The following NYNRIN variants were observed in gnomAD, a reference collection of about 807,000 sequenced individuals.
NYNRIN encodes the protein protein NYNRIN.
A neutral mutation model predicts 146.6 loss-of-function variants in NYNRIN; 86 were observed. That is an observed-to-expected ratio of 0.59 (90% CI 0.49 to 0.70). The LOEUF (loss-of-function observed/expected upper bound fraction) is 0.70. NYNRIN is among the 30% of genes least tolerant of loss of function. NYNRIN has a pLI of 0.00. For synonymous variants in NYNRIN, 1,027 were observed against 1,001.3 expected, an observed-to-expected ratio of 1.03 and a Z score of -0.48; for missense variants, 2,191 against 2,377.7, an observed-to-expected ratio of 0.92 and a Z score of 1.63.
At chr14:24,402,916 C>T (rs1156554974) in intron 2 of NYNRIN, among the ~76,000 whole-genome samples, 1 of 152,230 alleles carries the variant, frequency 6.6e-6, no homozygotes, top group Non-Finnish European at 1.5e-5. Flanking sequence ...CCTTCAGTAA[C>T]CATCCCCACT....
intron 2 of NYNRIN, 139 bp from the exon 3 acceptor site, chr14:24,407,730 A>G: frequency 1.4e-6 from 1 of 734,922 alleles, no homozygotes; most frequent in African/African-American, 1.8e-5. Context: ...TGGGGGAGTC[A>G]TTTGGCTCAT....
intron 2 of NYNRIN, among the ~76,000 whole-genome samples, chr14:24,402,296 C>T (rs930792578): frequency 3.3e-5 from 5 of 152,144 alleles, no homozygotes; most frequent in South Asian, 2.1e-4. Flanking sequence ...AGTGGAGAGG[C>T]GGGTTTTAGT....
rs2042949631 is a variant in NYNRIN at position 24,416,649 on chromosome 14, C to T, written c.4900C>T (p.His1634Tyr). 2 of 1,613,836 alleles carry T rather than the reference C, an allele frequency of 1.2e-6. No homozygotes were observed. The highest frequency in any genetic ancestry group is 1.7e-6 in the Non-Finnish European group (2 of 1,179,896). ...CACCATAAGTGAGGAGGGCCATAAG[C>T]ATGTACTTATTGTGGCTGACCCAAA... ...PVTISEEGHKHVLIVADPNTR... is the reference protein window; with the variant it reads ...PVTISEEGHKYVLIVADPNTR... Residue 1634 changes from histidine to tyrosine, a missense_variant, in exon 9 of 9, where the codon CAT becomes TAT. Around this residue, in one of 3 missense-constraint regions of NYNRIN, gnomAD observed 1,291 missense variants for 1,417.0 expected, o/e 0.91. Coordinates refer to ENST00000382554, the MANE Select transcript of NYNRIN (RefSeq NM_025081.3).
rs2042914835 is a variant in NYNRIN at position 24,411,834 on chromosome 14, G to C, written c.2642+384G>C. 1.3e-5 allele frequency among the ~76,000 whole-genome samples: 2 copies of C among 152,206 alleles called. No homozygotes were observed. Among genetic ancestry groups the C allele is most frequent in the Admixed American group, 1.3e-4 (2 of 15,288 alleles). ...TTTCCTCCCTCGGAGCCCCGGCACT[G>C]GTGGAGGTCTGTGCATGGCTGATGT... On this transcript the variant is annotated intron_variant, in intron 6 of 8. Transcript: ENST00000382554. The surrounding 1 kb of genome is among the most constrained non-coding windows in gnomAD (Gnocchi z 4.3).
rs952646306 is a variant in NYNRIN at position 24,408,437 on chromosome 14, A to G, written c.767A>G (p.Glu256Gly). The change falls in exon 3 of 9, where the codon GAA becomes GGA. Residue 256 changes from glutamate to glycine, a missense_variant. Coordinates refer to ENST00000382554, the MANE Select transcript of NYNRIN (RefSeq NM_025081.3). ...DMGTLQNRGP[E>G]NSKRLSSLGA... is the part of the protein sequence containing the mutation. Reference sequence around the variant, plus strand: ...GGGACCCTCCAGAACAGGGGCCCAGAAAATTCAAAGAGATTATCTAGCCTG... The same window carrying G: ...GGGACCCTCCAGAACAGGGGCCCAGGAAATTCAAAGAGATTATCTAGCCTG... 1.2e-6 allele frequency: 2 copies of G among 1,613,204 alleles called. No homozygotes were observed. The highest frequency in any genetic ancestry group is 1.7e-6 in the Non-Finnish European group (2 of 1,179,584).
chr14:24,410,131 C>G lies in NYNRIN; in HGVS notation c.2337C>G (p.Phe779Leu). Residue 779 changes from phenylalanine to leucine, a missense_variant, in exon 4 of 9, where the codon TTC becomes TTG. Coordinates refer to ENST00000382554, the MANE Select transcript of NYNRIN (RefSeq NM_025081.3). The part of the protein sequence containing the change: ...QRYHEALNTP[F>L]ELNLSGEPGN... ...ACCACGAGGCCCTGAATACACCCTT[C>G]GAGCTGAACCTGTCAGGGGAACCTG... The G allele has an allele frequency of 6.2e-7, 1 of 1,613,714 alleles. No individual in the cohort carries two copies. The highest frequency in any genetic ancestry group is 8.5e-7 in the Non-Finnish European group (1 of 1,179,726).
At chr14:24,408,555 C>G in intron 3 of NYNRIN, 28 bp downstream of exon 3, 2 of 1,546,794 alleles carry the variant, frequency 1.3e-6, no homozygotes, top group Non-Finnish European at 1.7e-6. Context: ...AGCCTGGCTT[C>G]TCTGATCCTA....
Position 24,410,189 on chromosome 14 carries a change from G to A in NYNRIN, c.2395G>A (p.Gly799Ser), listed in dbSNP as rs777484499. ...GGGGTTGCGGCGAGTGGTCATCGAT[G>A]GCAGCAGTGTGGCCATGGTGTGAGT... ...NQGLRRVVID[G>S]SSVAMVHGLQ... Residue 799 changes from glycine to serine, a missense_variant, in exon 4 of 9, where the codon GGC becomes AGC. Gly to Ser is a moderately conservative substitution (Grantham distance 56). Around this residue, in one of 3 missense-constraint regions of NYNRIN, gnomAD observed 1,291 missense variants for 1,417.0 expected, o/e 0.91. Coordinates refer to ENST00000382554, the MANE Select transcript of NYNRIN (RefSeq NM_025081.3). 6.2e-7 allele frequency: 1 copy of A among 1,602,828 alleles called. No homozygotes were observed.
At chr14:24,401,169 C>T (rs938414631) in intron 2 of NYNRIN, among the ~76,000 whole-genome samples, 11 of 152,200 alleles carry the variant, frequency 7.2e-5, no homozygotes, top group South Asian at 2.1e-4. Flanking sequence ...CTACCTGCTC[C>T]GTCTCCCTCT....
Position 24,411,819 on chromosome 14 carries a change from C to T in NYNRIN, c.2642+369C>T, listed in dbSNP as rs532846081. ...AGACTGCTTTAGTCTTTTCCTCCCT[C>T]GGAGCCCCGGCACTGGTGGAGGTCT... On this transcript the variant is annotated intron_variant, in intron 6 of 8. Transcript: ENST00000382554. The surrounding 1 kb of genome is among the most constrained non-coding windows in gnomAD (Gnocchi z 4.3). 1.3e-4 allele frequency among the ~76,000 whole-genome samples: 20 copies of T among 152,254 alleles called. No individual in the cohort carries two copies. Among genetic ancestry groups the T allele is most frequent in the Admixed American group, 1.1e-3 (17 of 15,302 alleles).
chr14:24,401,110 AC>A (rs2042840002), intron 2 of NYNRIN, among the ~76,000 whole-genome samples: 2 of 151,850 alleles, frequency 1.3e-5, no homozygotes, highest in African/African-American at 4.8e-5. Context: ...TTTCGGAGGT[AC>A]CCCCGCCACC....
Position 24,409,989 on chromosome 14 carries a change from C to A in NYNRIN, c.2195C>A (p.Ala732Asp), listed in dbSNP as rs1238677972. 2 of 1,613,620 alleles carry A rather than the reference C, an allele frequency of 1.2e-6. No homozygotes were observed. The highest frequency in any genetic ancestry group is 1.7e-6 in the Non-Finnish European group (2 of 1,179,774). ...RQGPQSSGTLALSSKHQFQME... is the reference protein window; with the variant it reads ...RQGPQSSGTLDLSSKHQFQME... ...GGTCCCCAGTCCAGTGGCACCTTGGCCCTCAGCAGTAAGCACCAGTTTCAG... is the reference window on the plus strand; with the variant it reads ...GGTCCCCAGTCCAGTGGCACCTTGGACCTCAGCAGTAAGCACCAGTTTCAG... Residue 732 changes from alanine to aspartate, a missense_variant, in exon 4 of 9, where the codon GCC (alanine) becomes GAC (aspartate). This residue lies in a region of NYNRIN where 895 missense variants were observed against 941.2 expected (regional missense o/e 0.95). Transcript: ENST00000382554.
Position 24,417,427 on chromosome 14 carries a change from T to C in NYNRIN, c.5678T>C (p.Phe1893Ser). 1 of 1,513,358 alleles carries C rather than the reference T, an allele frequency of 6.6e-7. No homozygotes were observed. Among genetic ancestry groups the C allele is most frequent in the Non-Finnish European group, 8.9e-7 (1 of 1,128,674 alleles). 93.7% of individuals were successfully genotyped at this position (1,513,358 alleles called of 1,614,324 possible). A position where few individuals can be genotyped will look rare whatever the true frequency, so the allele number is the denominator to read the frequency against. Residue 1893 changes from phenylalanine to serine, a missense_variant, in exon 9 of 9, where the codon TTC (phenylalanine) becomes TCC (serine). Coordinates refer to ENST00000382554, the MANE Select transcript of NYNRIN (RefSeq NM_025081.3). ...GCCAAGAGTGGCACCCCGCTGTCCT[T>C]CAAGGTCTTGGAGCAGTGAGCGGGA... Reference protein sequence around the residue: ...AFAKSGTPLSFKVLEQ With the variant: ...AFAKSGTPLSSKVLEQ
At chr14:24,403,540 G>A (rs1448693775) in intron 2 of NYNRIN, among the ~76,000 whole-genome samples, 1 of 152,228 alleles carries the variant, frequency 6.6e-6, no homozygotes, top group African/African-American at 2.4e-5. Context: ...AGATGGTGCA[G>A]CAGCAAAGTG....
Position 24,411,380 on chromosome 14 carries a change from T to G in NYNRIN, c.2572T>G (p.Ser858Ala). 6.2e-7 allele frequency: 1 copy of G among 1,613,896 alleles called. No individual in the cohort carries two copies. Among genetic ancestry groups the G allele is most frequent in the South Asian group, 1.1e-5 (1 of 91,070 alleles). Reference protein sequence around the residue: ...RESHFLTKLHSLKMLSITPSQ... With the variant: ...RESHFLTKLHALKMLSITPSQ... ...GAGCCACTTTCTGACGAAGCTACAC[T>G]CGCTCAAGATGCTTTCAATCACACC... is the stretch of plus-strand genomic sequence containing the variant. The change falls in exon 6 of 9, where the codon TCG becomes GCG. Residue 858 changes from serine to alanine, a missense_variant. By Grantham distance (99) the Ser-to-Ala change is moderately conservative. Coordinates refer to ENST00000382554, the MANE Select transcript of NYNRIN (RefSeq NM_025081.3). This position sits in a 1 kb window ranked among gnomAD's most constrained non-coding sequence, Gnocchi z 4.3.
chr14:24,399,080 G>C lies in NYNRIN; in HGVS notation c.-24G>C, dbSNP rs2042822346. The C allele has an allele frequency of 1.6e-6, 1 of 613,342 alleles. No individual in the cohort carries two copies. Among genetic ancestry groups the C allele is most frequent in the Non-Finnish European group, 2.7e-6 (1 of 369,072 alleles). 38.0% of individuals were successfully genotyped at this position (613,342 alleles called of 1,614,324 possible). Reference sequence around the variant, plus strand: ...GCTCCAGAGGGCGGGCGCCCGAGCCGTGCGGGGTGGGTCCCGCCGCCTGGA... The same window carrying C: ...GCTCCAGAGGGCGGGCGCCCGAGCCCTGCGGGGTGGGTCCCGCCGCCTGGA... On this transcript the variant is annotated 5_prime_UTR_variant, in exon 1 of 9. Coordinates refer to ENST00000382554, the MANE Select transcript of NYNRIN (RefSeq NM_025081.3).
chr14:24,410,254 G>C lies in NYNRIN; in HGVS notation c.2414+46G>C, dbSNP rs568919705. On this transcript the variant is annotated intron_variant, in intron 4 of 8. Transcript: ENST00000382554. Reference sequence around the variant, plus strand: ...GGTGGGCTGGGGATGCTGTGGACCTGGGGCAGGGCATCCCTGGGGGACAGA... The same window carrying C: ...GGTGGGCTGGGGATGCTGTGGACCTCGGGCAGGGCATCCCTGGGGGACAGA... 88 of 1,468,830 alleles carry C rather than the reference G, an allele frequency of 6.0e-5. No homozygotes were observed. The African/African-American group carries it at 7.4e-4, about 12-fold the overall frequency. The allele number at this position is 1,468,830 out of a possible 1,614,324, so 91.0% of individuals were successfully genotyped here.
At chr14:24,405,522 AGGTCTG>A (rs2139343985) in intron 2 of NYNRIN, among the ~76,000 whole-genome samples, 1 of 152,242 alleles carries the variant, frequency 6.6e-6, no homozygotes, top group South Asian at 2.1e-4. Flanking sequence ...TGGAGGAAGA[AGGTCTG>A]GGTTGGCTTT....
In NYNRIN at chr14:24,409,772, T is replaced by C. The variant is rs371964335; in HGVS notation, c.1978T>C (p.Ser660Pro). The C allele has an allele frequency of 1.2e-6, 2 of 1,612,012 alleles. No homozygotes were observed. The highest frequency in any genetic ancestry group is 1.7e-6 in the Non-Finnish European group (2 of 1,179,062). ...AATVSKAPAA[S>P]KAPAAPKVPV... is the part of the protein sequence containing the mutation. The stretch of plus-strand genomic sequence containing the variant: ...TACAGTTTCCAAAGCACCTGCAGCT[T>C]CCAAAGCACCTGCAGCTCCCAAAGT... Residue 660 changes from serine (S) to proline (P), a missense_variant, in exon 4 of 9, where the codon TCC becomes CCC. Ser to Pro is a moderately conservative substitution (Grantham distance 74, BLOSUM62 -1). Transcript: ENST00000382554.
Sources: allele counts gnomAD v4.1 joint callset (sites outside exome capture counted in the v4.1 genomes callset), GRCh38; gene constraint gnomAD v4.1.1; regional missense constraint gnomAD v4.1.1; non-coding constraint Gnocchi (gnomAD v3.1); transcripts MANE v1.5; gene names NCBI Gene and HGNC (gene_info 2026-07-23, HGNC 2026-07-21).